TMPRSS11A: variants seen among roughly 807,000 people sequenced by gnomAD.
TMPRSS11A encodes transmembrane serine protease 11A.
TMPRSS11A carries 53 observed loss-of-function variants against 58.9 expected under a neutral mutation model. The ratio of observed to expected loss-of-function variants is 0.90; its 90% CI spans 0.72 to 1.13. The LOEUF (loss-of-function observed/expected upper bound fraction) is 1.13, where lower values mean the gene tolerates loss of function less well. TMPRSS11A is among the 50% of genes most tolerant of loss of function. The probability of loss-of-function intolerance (pLI) is 0.00; values close to 1 mark genes in which losing one functional copy is unlikely to be tolerated. For synonymous variants in TMPRSS11A, 167 were observed against 169.8 expected (o/e 0.98, Z 0.13); for missense variants, 493 against 499.3 (o/e 0.99, Z 0.12).
intron 3 of TMPRSS11A, among the ~76,000 whole-genome samples, chr4:67,933,178 T>G (rs1161361050): frequency 1.3e-5 from 2 of 152,104 alleles, no homozygotes; most frequent in Admixed American, 1.3e-4. Context: ...TATAACTTCC[T>G]TAGCATGCTC....
At chr4:67,914,186 C>T (rs1480351126) in intron 9 of TMPRSS11A, among the ~76,000 whole-genome samples, 1 of 152,104 alleles carries the variant, frequency 6.6e-6, no homozygotes, top group East Asian at 1.9e-4. Flanking sequence ...TTCTTCAGGC[C>T]TTATTTACGT....
intron 3 of TMPRSS11A, among the ~76,000 whole-genome samples, chr4:67,936,173 C>T (rs1720747407): frequency 6.6e-6 from 1 of 152,116 alleles, no homozygotes; most frequent in African/African-American, 2.4e-5. Context: ...ACCTCCTACC[C>T]ACTGATGGGC....
At chr4:67,949,298 T>A (rs901894552) in intron 1 of TMPRSS11A, among the ~76,000 whole-genome samples, 15 of 151,810 alleles carry the variant, frequency 9.9e-5, no homozygotes, top group African/African-American at 3.6e-4. Flanking sequence ...GACATACTGA[T>A]CAAGTGTCAT....
chr4:67,914,626 A>G lies in TMPRSS11A; in HGVS notation c.1057T>C (p.Cys353Arg), dbSNP rs1720097628. 3 of 1,613,798 alleles carry G rather than the reference A, an allele frequency of 1.9e-6. No homozygotes were observed. The highest frequency in any genetic ancestry group is 2.7e-5 in the African/African-American group (2 of 74,928). ...YGNDIKPGMF[C>R]AGYMEGIYDA... is the part of the protein sequence containing the mutation. ...TAAATTCCTTCCATATATCCGGCAC[A>G]GAACATTCCAGGTTTTATATCATTG... The change falls in exon 9 of 10, where the codon TGT becomes CGT. Residue 353 changes from cysteine (C) to arginine (R), a missense_variant. Physicochemically the swap from Cys to Arg is radical, Grantham distance 180. Coordinates refer to ENST00000508048, the MANE Select transcript of TMPRSS11A (RefSeq NM_001114387.2).
At position 67,911,129 on chromosome 4, in the gene TMPRSS11A, G is replaced by A. The variant is rs1404862012; in HGVS notation, c.*213C>T. 1 of 437,098 alleles carries A rather than the reference G, an allele frequency of 2.3e-6. No homozygotes were observed. The highest frequency in any genetic ancestry group is 2.0e-5 in the African/African-American group (1 of 50,908). The allele number at this position is 437,098 out of a possible 1,614,324, so 27.1% of individuals were successfully genotyped here. A position where few individuals can be genotyped will look rare whatever the true frequency, so the allele number is the denominator to read the frequency against. On this transcript the variant is annotated 3_prime_UTR_variant, in exon 10 of 10. Transcript: ENST00000508048. Reference sequence around the variant, plus strand: ...TAAGTATCTCTACCGTATTTTTCAAGCCAGATCCATTACTTTACAAATAAA... The same window carrying A: ...TAAGTATCTCTACCGTATTTTTCAAACCAGATCCATTACTTTACAAATAAA...
chr4:67,949,777 T>C (rs1258585515), intron 1 of TMPRSS11A, among the ~76,000 whole-genome samples: 1 of 152,120 alleles, frequency 6.6e-6, no homozygotes, highest in African/African-American at 2.4e-5. Flanking sequence ...CAGAATTGCT[T>C]GAACCCGGGA....
chr4:67,914,857 G>A, intron 8 of TMPRSS11A, 127 bp from the exon 9 acceptor site: 1 of 692,122 alleles, frequency 1.4e-6, no homozygotes, highest in Non-Finnish European at 2.3e-6. Flanking sequence ...AATATAAGCA[G>A]TTTCTAGAAA....
chr4:67,924,062 A>G, intron 6 of TMPRSS11A, 66 bp downstream of exon 6: 1 of 1,341,666 alleles, frequency 7.5e-7, no homozygotes, highest in Non-Finnish European at 1.1e-6. Flanking sequence ...AAGTATGAGC[A>G]AATATTTGAA....
At chr4:67,913,815 T>G (rs757822753) in intron 9 of TMPRSS11A, among the ~76,000 whole-genome samples, 3 of 152,246 alleles carry the variant, frequency 2.0e-5, no homozygotes, top group Admixed American at 6.5e-5. Flanking sequence ...GACAGGACTT[T>G]CTGCCACCTG....
intron 3 of TMPRSS11A, among the ~76,000 whole-genome samples, chr4:67,941,740 G>A (rs916324593): frequency 6.6e-6 from 1 of 152,174 alleles, no homozygotes; most frequent in African/African-American, 2.4e-5. Flanking sequence ...GATTCCACAT[G>A]TATTGGAGAC....
At chr4:67,949,518 A>G (rs1356556550) in intron 1 of TMPRSS11A, among the ~76,000 whole-genome samples, 5 of 152,236 alleles carry the variant, frequency 3.3e-5, no homozygotes, top group Admixed American at 1.3e-4. Flanking sequence ...TAAATCTTCA[A>G]CTTACTGCCT....
chr4:67,919,486 T>G (rs1415439494), intron 7 of TMPRSS11A, among the ~76,000 whole-genome samples: 6 of 152,336 alleles, frequency 3.9e-5, no homozygotes, highest in Non-Finnish European at 5.9e-5. Context: ...AAAATATCAT[T>G]CATTTATCCC....
At chr4:67,923,478 T>C (rs1720385061) in intron 6 of TMPRSS11A, among the ~76,000 whole-genome samples, 1 of 152,184 alleles carries the variant, frequency 6.6e-6, no homozygotes, top group Non-Finnish European at 1.5e-5. Context: ...GAAGCCACTG[T>C]TAGCGATTAA....
At chr4:67,963,290 A>C in intron 1 of TMPRSS11A, 93 bp downstream of exon 1, 2 of 1,195,066 alleles carry the variant, frequency 1.7e-6, no homozygotes, top group Non-Finnish European at 2.5e-6. Flanking sequence ...TCCACCAAAG[A>C]CACCTCACTA....
At chr4:67,934,802 T>C (rs978986415) in intron 3 of TMPRSS11A, among the ~76,000 whole-genome samples, 1 of 152,192 alleles carries the variant, frequency 6.6e-6, no homozygotes, top group Non-Finnish European at 1.5e-5. Context: ...TGTTTATACA[T>C]GTTGCCTGCT....
At position 67,909,962 on chromosome 4, in the gene TMPRSS11A, G is replaced by C. The variant is rs1476694988; in HGVS notation, c.*1380C>G. The C allele has an allele frequency of 6.6e-6, 1 of 151,888 alleles. No homozygotes were observed. The highest frequency in any genetic ancestry group is 2.4e-5 in the African/African-American group (1 of 41,378). The allele number at this position is 151,888 out of a possible 1,614,324, so 9.4% of individuals were successfully genotyped here. ...TTCATGCCTTCTCAATAGCATGTGA[G>C]GGAAATTATTATAAAGCAAGTTCAT... is the stretch of plus-strand genomic sequence containing the variant. On this transcript the variant is annotated 3_prime_UTR_variant, in exon 10 of 10. Coordinates refer to ENST00000508048, the MANE Select transcript of TMPRSS11A (RefSeq NM_001114387.2).
intron 1 of TMPRSS11A, among the ~76,000 whole-genome samples, chr4:67,951,417 T>A (rs1443608280): frequency 6.6e-6 from 1 of 152,126 alleles, no homozygotes; most frequent in Non-Finnish European, 1.5e-5. Flanking sequence ...TGTATGTGAG[T>A]TCAAAGATGA....
intron 1 of TMPRSS11A, among the ~76,000 whole-genome samples, chr4:67,957,421 C>T (rs1405178448): frequency 6.6e-6 from 1 of 152,174 alleles, no homozygotes; most frequent in Non-Finnish European, 1.5e-5. Flanking sequence ...AGATAAGGAA[C>T]TTGTTGGGAA....
In TMPRSS11A at chr4:67,919,077, G is replaced by C. The variant is rs1218888211; in HGVS notation, c.848C>G (p.Thr283Ser). Residue 283 changes from threonine (T) to serine (S), a missense_variant, in exon 8 of 10, where the codon ACC (threonine) becomes AGC (serine). By Grantham distance (58) the Thr-to-Ser change is moderately conservative. Transcript: ENST00000508048. ...IAVVQVSSRVTFSDDIRQICL... is the reference protein window; with the variant it reads ...IAVVQVSSRVSFSDDIRQICL... ...AATCTGGCGTATGTCATCCGAAAAG[G>C]TGACTCTGGAAGAGACCTGCACAAC... 1 of 1,614,174 alleles carries C rather than the reference G, an allele frequency of 6.2e-7. No homozygotes were observed. The highest frequency in any genetic ancestry group is 8.5e-7 in the Non-Finnish European group (1 of 1,180,020).
Sources: allele counts gnomAD v4.1 joint callset (sites outside exome capture counted in the v4.1 genomes callset), GRCh38; gene constraint gnomAD v4.1.1; transcripts MANE v1.5; gene names NCBI Gene and HGNC (gene_info 2026-07-23, HGNC 2026-07-21).